Variants in MACROH2A1 observed in about 807,000 individuals in gnomAD.
MACROH2A1 encodes core histone macro-H2A.1.
In MACROH2A1, 2 loss-of-function variants were observed where a neutral mutation model predicts 31.6. The observed-to-expected ratio is 0.06, with a 90% CI of 0.03 to 0.20. The LOEUF (loss-of-function observed/expected upper bound fraction) is 0.20. Among genes scored for constraint, MACROH2A1 ranks in the 10% least tolerant of loss-of-function variants. The pLI is 1.00. For synonymous variants in MACROH2A1, 169 were observed against 189.6 expected (o/e 0.89, Z 0.89); for missense variants, 230 against 474.0 (o/e 0.49, Z 4.78).
intron 4 of MACROH2A1, among the ~76,000 whole-genome samples, chr5:135,368,631 G>A (rs1217008139): frequency 6.6e-6 from 1 of 152,232 alleles, no homozygotes; most frequent in African/African-American, 2.4e-5. Context: ...TGTTGGCTCT[G>A]GAGGCTGTGA....
chr5:135,386,146 T>A (rs986322628), intron 2 of MACROH2A1, among the ~76,000 whole-genome samples: 1 of 152,220 alleles, frequency 6.6e-6, no homozygotes, highest in East Asian at 1.9e-4. Context: ...CCCAATCGGC[T>A]AAGGGCTGGT....
At chr5:135,353,674 T>C (rs968917569) in intron 5 of MACROH2A1, 2 of 152,188 alleles carry the variant, frequency 1.3e-5, no homozygotes, top group African/African-American at 2.4e-5. Context: ...GGGAGGAAGG[T>C]TCTCCAGCAA....
intron 7 of MACROH2A1, 130 bp from the exon 8 acceptor site, chr5:135,343,564 T>A: frequency 1.5e-6 from 2 of 1,376,178 alleles, no homozygotes; most frequent in Non-Finnish European, 2.0e-6. Flanking sequence ...GTCCGAGGAG[T>A]TCCACAGCTG....
intron 2 of MACROH2A1, among the ~76,000 whole-genome samples, chr5:135,377,337 T>C (rs1765015268): frequency 6.6e-6 from 1 of 152,246 alleles, no homozygotes; most frequent in African/African-American, 2.4e-5. Flanking sequence ...TTAATATGTA[T>C]GTTTGTTTTG....
At chr5:135,337,447 G>A (rs1758942670) in intron 8 of MACROH2A1, among the ~76,000 whole-genome samples, 1 of 152,284 alleles carries the variant, frequency 6.6e-6, no homozygotes, top group African/African-American at 2.4e-5. Context: ...ACTCCTGCCT[G>A]TGACCAGTGC....
intron 8 of MACROH2A1, among the ~76,000 whole-genome samples, chr5:135,342,267 G>T (rs1052147797): frequency 6.6e-6 from 1 of 152,184 alleles, no homozygotes; most frequent in African/African-American, 2.4e-5. Flanking sequence ...TGCCTTCTAA[G>T]AGCTCCTTTA....
intron 2 of MACROH2A1, among the ~76,000 whole-genome samples, chr5:135,380,784 A>AT (rs1765560840): frequency 6.6e-6 from 1 of 152,180 alleles, no homozygotes. Flanking sequence ...TTCTAGATTT[A>AT]TTTTTAAATA....
intron 1 of MACROH2A1, among the ~76,000 whole-genome samples, chr5:135,395,385 A>T (rs949230385): frequency 1.3e-5 from 2 of 152,206 alleles, no homozygotes; most frequent in Admixed American, 6.5e-5. Flanking sequence ...GTTGCTAGTC[A>T]AAGAGCCCTA....
chr5:135,380,264 T>G (rs1290042539), intron 2 of MACROH2A1, among the ~76,000 whole-genome samples: 1 of 152,178 alleles, frequency 6.6e-6, no homozygotes, highest in African/African-American at 2.4e-5. Flanking sequence ...CTGGGATCAC[T>G]AATGTGGCTC....
In MACROH2A1 at chr5:135,398,351, T is replaced by TAAGG. The variant is rs767325673; in HGVS notation, c.-34+710_-34+711insCCTT. Among the ~76,000 whole-genome samples the TAAGG allele has an allele frequency of 9.9e-4, 151 of 151,900 alleles. No homozygotes were observed. The Middle Eastern group carries it at 0.014, about 14-fold the overall frequency. ...CGGGGAAGCCTACAGCCTTCCGGAG[T>TAAGG]TACCTTTTAAAAAAAGCAAACCCTT... On this transcript the variant is annotated intron_variant, in intron 1 of 8. Transcript: ENST00000511689. The surrounding 1 kb of genome is among the most constrained non-coding windows in gnomAD (Gnocchi z 4.6).
intron 2 of MACROH2A1, among the ~76,000 whole-genome samples, chr5:135,379,932 C>T (rs1479889810): frequency 6.6e-6 from 1 of 152,096 alleles, no homozygotes; most frequent in African/African-American, 2.4e-5. Context: ...GAGGATCAGC[C>T]CTTGCTACAT....
intron 4 of MACROH2A1, chr5:135,361,087 T>A: frequency 3.6e-6 from 1 of 276,738 alleles, no homozygotes; most frequent in Non-Finnish European, 7.0e-6. Flanking sequence ...CTTCCTTCCT[T>A]AAAGCCAGTG....
rs1468161035 is a variant in MACROH2A1, at chr5:135,352,939, C to T, written c.688+7G>A. The T allele has an allele frequency of 1.5e-5, 21 of 1,433,716 alleles. No individual in the cohort carries two copies. The highest frequency in any genetic ancestry group is 2.1e-5 in the Non-Finnish European group (21 of 1,015,480). 88.8% of individuals were successfully genotyped at this position (1,433,716 alleles called of 1,614,324 possible). The stretch of plus-strand genomic sequence containing the variant: ...AGCTGGTGGTGCCGAACCCCGTCCC[C>T]AATTACCTAGGTCATCTTTAAGGTC... On this transcript the variant is annotated splice_region_variant and intron_variant, in intron 6 of 8. Coordinates refer to ENST00000511689, the MANE Select transcript of MACROH2A1 (RefSeq NM_138610.3).
At chr5:135,370,218 G>A (rs1396714018) in intron 2 of MACROH2A1, 76 bp from the exon 3 acceptor site, 2 of 876,814 alleles carry the variant, frequency 2.3e-6, no homozygotes, top group Non-Finnish European at 3.6e-6. Context: ...CATTCACAGT[G>A]CCAGGAATGG....
intron 2 of MACROH2A1, among the ~76,000 whole-genome samples, chr5:135,376,687 T>C (rs1367985545): frequency 6.6e-6 from 1 of 152,196 alleles, no homozygotes; most frequent in African/African-American, 2.4e-5. Context: ...GCCAAGTGCA[T>C]CTAAGCCTCA....
At chr5:135,353,123 A>C in intron 5 of MACROH2A1, 78 bp from the exon 6 acceptor site, 2 of 896,174 alleles carry the variant, frequency 2.2e-6, no homozygotes, top group Non-Finnish European at 3.8e-6. Context: ...ATACAGGTAA[A>C]GGACAGTGGA....
intron 8 of MACROH2A1, among the ~76,000 whole-genome samples, chr5:135,336,586 C>T (rs1263191888): frequency 2.6e-5 from 4 of 152,168 alleles, no homozygotes; most frequent in East Asian, 1.9e-4. Flanking sequence ...GCTCTGGCCA[C>T]GAGAGTGGTG....
intron 4 of MACROH2A1, among the ~76,000 whole-genome samples, chr5:135,368,884 GC>G (rs757419574): frequency 1.3e-5 from 2 of 152,168 alleles, no homozygotes; most frequent in Non-Finnish European, 2.9e-5. Context: ...TCCAAGTTAG[GC>G]CCAGGAAGAA....
At chr5:135,343,557 C>T (rs2292011) in intron 7 of MACROH2A1, 123 bp from the exon 8 acceptor site, 286,627 of 1,429,160 alleles carry the variant, frequency 0.2, 33,550 homozygotes, top group African/African-American at 0.53. Flanking sequence ...GCCCTGTGTC[C>T]GAGGAGTTCC....
Sources: allele counts gnomAD v4.1 joint callset (sites outside exome capture counted in the v4.1 genomes callset), GRCh38; gene constraint gnomAD v4.1.1; non-coding constraint Gnocchi (gnomAD v3.1); transcripts MANE v1.5; gene names NCBI Gene and HGNC (gene_info 2026-07-23, HGNC 2026-07-21).